The following GLRA3 variants were observed in gnomAD, a reference collection of about 807,000 sequenced individuals.
GLRA3 encodes the protein glycine receptor alpha 3.
GLRA3 carries 44 observed loss-of-function variants against 60.4 expected under a neutral mutation model. The ratio of observed to expected loss-of-function variants is 0.73; its 90% confidence interval spans 0.57 to 0.94. GLRA3 has a LOEUF of 0.94. GLRA3 is among the 40% of genes least tolerant of loss of function. The probability of loss-of-function intolerance (pLI) is 0.00; values close to 1 mark genes in which losing one functional copy is unlikely to be tolerated. For synonymous variants in GLRA3, 223 were observed against 192.9 expected (o/e 1.16, Z -1.29); for missense variants, 508 against 564.6 (o/e 0.90, Z 1.02).
intron 1 of GLRA3, among the ~76,000 whole-genome samples, chr4:174,820,778 C>G (rs866899379): frequency 6.6e-6 from 1 of 152,198 alleles, no homozygotes; most frequent in African/African-American, 2.4e-5. Flanking sequence ...ACTCCCTCCA[C>G]CACCCACAGA....
chr4:174,674,629 C>T (rs1734040876), intron 7 of GLRA3, among the ~76,000 whole-genome samples: 1 of 152,118 alleles, frequency 6.6e-6, no homozygotes, highest in South Asian at 2.1e-4. Context: ...TGACACAGAG[C>T]CTAGACCAAA....
At chr4:174,805,817 G>C (rs998830157) in intron 1 of GLRA3, among the ~76,000 whole-genome samples, 1 of 152,092 alleles carries the variant, frequency 6.6e-6, no homozygotes, top group African/African-American at 2.4e-5. Context: ...TATAGAAGTT[G>C]GGTCTTCAAG....
intron 1 of GLRA3, among the ~76,000 whole-genome samples, chr4:174,824,842 C>T (rs1430198510): frequency 1.3e-5 from 2 of 151,998 alleles, no homozygotes; most frequent in Admixed American, 6.6e-5. Context: ...CTCTAAGTTG[C>T]TAAATGGAAA....
At chr4:174,726,740 G>T (rs1186504647) in intron 4 of GLRA3, among the ~76,000 whole-genome samples, 2 of 151,884 alleles carry the variant, frequency 1.3e-5, no homozygotes, top group African/African-American at 4.8e-5. Flanking sequence ...TACATACTGT[G>T]TCCAGGTTTT....
chr4:174,685,476 T>C (rs1350553444), intron 5 of GLRA3, among the ~76,000 whole-genome samples: 2 of 152,092 alleles, frequency 1.3e-5, no homozygotes, highest in Non-Finnish European at 2.9e-5. Flanking sequence ...TGCTATTCGG[T>C]AGAGTTTGTG....
chr4:174,740,622 G>A (rs536744351), intron 3 of GLRA3, among the ~76,000 whole-genome samples: 2 of 152,268 alleles, frequency 1.3e-5, no homozygotes, highest in African/African-American at 4.8e-5. Context: ...TGATGTTCCT[G>A]CTTTAATTTG....
chr4:174,719,671 G>A (rs1736064647), intron 4 of GLRA3, among the ~76,000 whole-genome samples: 1 of 152,150 alleles, frequency 6.6e-6, no homozygotes, highest in Non-Finnish European at 1.5e-5. Flanking sequence ...ATGAGCTTCT[G>A]TAACCTACTT....
chr4:174,811,473 C>T (rs1740272299), intron 1 of GLRA3, among the ~76,000 whole-genome samples: 1 of 152,078 alleles, frequency 6.6e-6, no homozygotes, highest in Admixed American at 6.6e-5. Flanking sequence ...AATTCTTTTG[C>T]TTAAATGTCA....
At chr4:174,812,573 G>C (rs1740314488) in intron 1 of GLRA3, among the ~76,000 whole-genome samples, 1 of 152,060 alleles carries the variant, frequency 6.6e-6, no homozygotes, top group Admixed American at 6.6e-5. Context: ...CAGAAAAAAA[G>C]AGTCTATAAT....
intron 7 of GLRA3, among the ~76,000 whole-genome samples, chr4:174,662,944 G>A (rs1308427596): frequency 6.6e-6 from 1 of 151,110 alleles, no homozygotes. Context: ...TCTGCTGAGT[G>A]AATGGACAGA....
At chr4:174,689,598 CTCTG>C (rs1339524460) in intron 5 of GLRA3, among the ~76,000 whole-genome samples, 55 of 151,652 alleles carry the variant, frequency 3.6e-4, no homozygotes, top group Non-Finnish European at 7.8e-4. Context: ...TCTGAGTTTC[CTCTG>C]TCTATCATTC....
intron 7 of GLRA3, among the ~76,000 whole-genome samples, chr4:174,668,990 C>T (rs775094262): frequency 2.6e-5 from 4 of 151,966 alleles, no homozygotes; most frequent in African/African-American, 9.7e-5. Flanking sequence ...TTTGGCTGTG[C>T]GATGGGCAAG....
chr4:174,750,221 C>T (rs1019810874), intron 3 of GLRA3, among the ~76,000 whole-genome samples: 7 of 152,034 alleles, frequency 4.6e-5, no homozygotes, highest in Non-Finnish European at 8.8e-5. Flanking sequence ...GATTATGAAA[C>T]AAAATTTTAG....
chr4:174,708,826 T>C (rs1274822459), intron 5 of GLRA3, among the ~76,000 whole-genome samples: 1 of 148,010 alleles, frequency 6.8e-6, no homozygotes, highest in Non-Finnish European at 1.5e-5. Context: ...TTTTTTCAAC[T>C]AGCAAATTAA....
chr4:174,661,355 A>T (rs1036331443), intron 7 of GLRA3, among the ~76,000 whole-genome samples: 1 of 152,186 alleles, frequency 6.6e-6, no homozygotes, highest in African/African-American at 2.4e-5. Context: ...TAAAAGTGGA[A>T]AACTTGACTC....
chr4:174,721,007 T>TTGTGTGTGTGTGTGTG (rs10639932), intron 4 of GLRA3, among the ~76,000 whole-genome samples: 11 of 141,558 alleles, frequency 7.8e-5, no homozygotes, highest in African/African-American at 2.5e-4. Context: ...TGTGTGAACT[T>TTGTGTGTGTGTGTGTG]TGTGTGTGTG....
intron 4 of GLRA3, among the ~76,000 whole-genome samples, chr4:174,720,579 T>G (rs899081754): frequency 6.6e-6 from 1 of 152,190 alleles, no homozygotes. Context: ...GATCCTCTTG[T>G]GCTCCTATAC....
intron 2 of GLRA3, among the ~76,000 whole-genome samples, chr4:174,775,811 C>T (rs6553822): frequency 0.73 from 111,249 of 151,758 alleles, 41,070 homozygotes; most frequent in East Asian, 0.99. Context: ...ACGTCATTTT[C>T]TTTCTTTCTG....
At chr4:174,801,715 G>A (rs956607594) in intron 1 of GLRA3, among the ~76,000 whole-genome samples, 1 of 151,914 alleles carries the variant, frequency 6.6e-6, no homozygotes, top group Non-Finnish European at 1.5e-5. Flanking sequence ...TGCCTAAAGT[G>A]CTCATGGTCC....
Sources: allele counts gnomAD v4.1 joint callset (sites outside exome capture counted in the v4.1 genomes callset), GRCh38; gene constraint gnomAD v4.1.1; transcripts MANE v1.5; gene names NCBI Gene and HGNC (gene_info 2026-07-23, HGNC 2026-07-21).